KIAA1671: variants seen among roughly 807,000 people sequenced by gnomAD.
The protein encoded by KIAA1671 is KIAA1671.
Under a neutral mutation model 131.2 loss-of-function variants are expected in KIAA1671, and 52 were observed. The observed-to-expected ratio is 0.40, with a 90% CI of 0.32 to 0.50. The LOEUF (loss-of-function observed/expected upper bound fraction) is 0.50. KIAA1671 is among the 20% of genes least tolerant of loss of function. The pLI, the probability that KIAA1671 is intolerant of heterozygous loss-of-function variation, is 0.73. For synonymous variants in KIAA1671, 1,003 were observed against 961.6 expected, an observed-to-expected ratio of 1.04 and a Z score of -0.80; for missense variants, 2,360 against 2,364.2, an observed-to-expected ratio of 1.00 and a Z score of 0.04.
At chr22:25,178,449 G>T (rs568060643) in intron 9 of KIAA1671, among the ~76,000 whole-genome samples, 2 of 152,386 alleles carry the variant, frequency 1.3e-5, no homozygotes, top group South Asian at 4.1e-4. Flanking sequence ...GACACAGGAG[G>T]GGCCAGCACT....
chr22:25,004,259 G>A (rs998376291), intron 1 of KIAA1671, among the ~76,000 whole-genome samples: 3 of 152,070 alleles, frequency 2.0e-5, no homozygotes, highest in Admixed American at 1.3e-4. Flanking sequence ...GGGTCTACAG[G>A]TACACACCAC....
intron 6 of KIAA1671, among the ~76,000 whole-genome samples, chr22:25,075,720 A>G (rs1383652513): frequency 2.7e-5 from 4 of 148,932 alleles, no homozygotes; most frequent in African/African-American, 5.0e-5. Flanking sequence ...GATGGTCTCT[A>G]TCTCCCAAAG....
intron 6 of KIAA1671, among the ~76,000 whole-genome samples, chr22:25,083,940 G>A (rs1361761610): frequency 6.6e-6 from 1 of 152,224 alleles, no homozygotes; most frequent in Non-Finnish European, 1.5e-5. Context: ...TTTGCCGAGA[G>A]CAGCCTGGGC....
At chr22:25,015,328 C>G (rs1925251508) in intron 1 of KIAA1671, among the ~76,000 whole-genome samples, 1 of 151,318 alleles carries the variant, frequency 6.6e-6, no homozygotes, top group Non-Finnish European at 1.5e-5. Flanking sequence ...TTTGCAAAAC[C>G]AGGCAGTGGG....
At position 24,979,170 on chromosome 22, in the gene KIAA1671, A is replaced by ATT. The variant is rs71191010; in HGVS notation, c.-208+26421_-208+26422dup. Among the ~76,000 whole-genome samples the ATT allele has an allele frequency of 7.9e-3, 645 of 81,696 alleles. 25 individuals carry two copies. The highest frequency in any genetic ancestry group is 0.034 in the African/African-American group (614 of 18,040). The allele number at this position is 81,696 out of a possible 152,430, so 53.6% of individuals were successfully genotyped here. A position where few individuals can be genotyped will look rare whatever the true frequency, so the allele number is the denominator to read the frequency against. On this transcript the variant is annotated intron_variant, in intron 1 of 12. Coordinates refer to ENST00000358431, the MANE Select transcript of KIAA1671 (RefSeq NM_001145206.2). ...ATCACCATGCCTGGCTAATTTTTGT[A>ATT]TTTTTTTTTTTTTTTTTTTTTTTTA...
intron 12 of KIAA1671, 106 bp downstream of exon 12, chr22:25,190,890 A>G: frequency 1.4e-6 from 1 of 725,996 alleles, no homozygotes; most frequent in Non-Finnish European, 2.3e-6. Context: ...TACCCAAGGA[A>G]AGAGGCTGTG....
chr22:24,954,018 A>G (rs1602023068), intron 1 of KIAA1671, among the ~76,000 whole-genome samples: 1 of 152,122 alleles, frequency 6.6e-6, no homozygotes, highest in East Asian at 1.9e-4. Context: ...TAGGGGCTCT[A>G]TAAGTATCAG....
chr22:25,151,678 G>A (rs371974459), intron 6 of KIAA1671, among the ~76,000 whole-genome samples: 8 of 151,990 alleles, frequency 5.3e-5, no homozygotes, highest in South Asian at 2.1e-4. Flanking sequence ...GGATCTTCCC[G>A]CCTTGGCCTC....
chr22:25,190,843 A>C, intron 12 of KIAA1671, 59 bp downstream of exon 12: 2 of 1,205,298 alleles, frequency 1.7e-6, no homozygotes, highest in Admixed American at 2.0e-5. Context: ...GGAATGGGGA[A>C]CTCAGGGGGG....
intron 5 of KIAA1671, among the ~76,000 whole-genome samples, chr22:25,044,422 C>A (rs892796537): frequency 6.6e-6 from 1 of 152,036 alleles, no homozygotes; most frequent in Non-Finnish European, 1.5e-5. Context: ...GCTCAGGGCC[C>A]GCTGGTGGTG....
At chr22:24,974,469 G>A (rs997530854) in intron 1 of KIAA1671, among the ~76,000 whole-genome samples, 15 of 152,148 alleles carry the variant, frequency 9.9e-5, no homozygotes, top group Non-Finnish European at 1.3e-4. Context: ...ATGGTCAGTC[G>A]GCTAGGAGGT....
chr22:25,136,511 G>A (rs1435617924), intron 6 of KIAA1671, among the ~76,000 whole-genome samples: 1 of 152,190 alleles, frequency 6.6e-6, no homozygotes, highest in Non-Finnish European at 1.5e-5. Context: ...GCCCTAAACC[G>A]TGAGTCAGGA....
intron 1 of KIAA1671, among the ~76,000 whole-genome samples, chr22:24,974,007 C>T (rs1602036911): frequency 6.6e-6 from 1 of 152,150 alleles, no homozygotes; most frequent in Admixed American, 6.6e-5. Context: ...CCAGCTGCAC[C>T]TCCTTTGGTG....
intron 4 of KIAA1671, among the ~76,000 whole-genome samples, chr22:25,038,043 C>G (rs1364911022): frequency 6.6e-6 from 1 of 152,158 alleles, no homozygotes. Flanking sequence ...CCATGTTGAC[C>G]AGGCTGGAGT....
At chr22:25,038,638 C>A (rs1926742770) in intron 4 of KIAA1671, 122 bp from the exon 5 acceptor site, 3 of 1,088,086 alleles carry the variant, frequency 2.8e-6, no homozygotes, top group Non-Finnish European at 2.6e-6. Flanking sequence ...TCATTCTTTT[C>A]AATTTTATGG....
Position 25,174,186 on chromosome 22 carries a change from G to T in KIAA1671, c.4650-54G>T, listed in dbSNP as rs747475637. 3.3e-6 allele frequency: 5 copies of T among 1,533,466 alleles called. No individual in the cohort carries two copies. In the Admixed American group the frequency reaches 6.0e-5, roughly 18 times the overall value. The allele number at this position is 1,533,466 out of a possible 1,614,324, so 95.0% of individuals were successfully genotyped here. ...TGCAGCATCCTTCACTTGAAATCCC[G>T]TTCTCTGAAACGTTCTCCATAACCA... On this transcript the variant is annotated intron_variant, in intron 7 of 12. Transcript: ENST00000358431.
chr22:25,164,971 T>G (rs1933591457), intron 6 of KIAA1671, among the ~76,000 whole-genome samples: 14 of 100,956 alleles, frequency 1.4e-4, no homozygotes, highest in African/African-American at 3.3e-4. Flanking sequence ...AGAGAGAGAG[T>G]TGCAGGCGTG....
chr22:25,130,166 CTG>C (rs1489976863), intron 6 of KIAA1671, among the ~76,000 whole-genome samples: 2 of 152,212 alleles, frequency 1.3e-5, no homozygotes, highest in East Asian at 1.9e-4. Flanking sequence ...AATACATAAA[CTG>C]TTATACATAA....
intron 6 of KIAA1671, chr22:25,057,328 C>A (rs1927896180): frequency 6.6e-6 from 1 of 152,254 alleles, no homozygotes; most frequent in South Asian, 2.1e-4. Context: ...CTCCCAGGGA[C>A]CAAGGCCACG....
Sources: allele counts gnomAD v4.1 joint callset (sites outside exome capture counted in the v4.1 genomes callset), GRCh38; gene constraint gnomAD v4.1.1; transcripts MANE v1.5; gene names NCBI Gene and HGNC (gene_info 2026-07-23, HGNC 2026-07-21).